The following TMEM230 variants were observed in gnomAD, a reference collection of about 807,000 sequenced individuals.
TMEM230 encodes the protein transmembrane protein 230.
A neutral mutation model predicts 15.8 loss-of-function variants in TMEM230; 10 were observed. That is an observed-to-expected ratio of 0.63 (90% CI 0.39 to 1.07). The LOEUF is 1.07. Among genes scored for constraint, TMEM230 ranks in the 50% least tolerant of loss-of-function variants. TMEM230 has a pLI of 0.01. For synonymous variants in TMEM230, 67 were observed against 76.9 expected, an observed-to-expected ratio of 0.87 and a Z score of 0.68; for missense variants, 165 against 193.3, an observed-to-expected ratio of 0.85 and a Z score of 0.87.
At chr20:5,067,401 GTT>G (rs2088676035), downstream of TMEM230, 1 of 123,968 alleles carries the variant, frequency 8.1e-6, no homozygotes. Context: ...TGTCAACAGT[GTT>G]TAGGCTCATA....
intron 2 of TMEM230, among the ~76,000 whole-genome samples, chr20:5,110,675 T>G (rs1037875697): frequency 6.6e-6 from 1 of 152,192 alleles, no homozygotes; most frequent in Non-Finnish European, 1.5e-5. Context: ...GATTTCATTT[T>G]CCTAATTACT....
chr20:5,088,308 CAAAA>C (rs777211538), intron 3 of TMEM230, among the ~76,000 whole-genome samples: 29 of 51,150 alleles, frequency 5.7e-4, no homozygotes, highest in African/African-American at 1.6e-3. Context: ...GACTCTGTCT[CAAAA>C]AAAAAAAAAA....
At chr20:5,110,826 A>C (rs1600422089) in intron 2 of TMEM230, among the ~76,000 whole-genome samples, 1 of 152,246 alleles carries the variant, frequency 6.6e-6, no homozygotes, top group East Asian at 1.9e-4. Flanking sequence ...CATGGCTATT[A>C]TGTCACTAGT....
rs541619792 is a variant in TMEM230, at chr20:5,082,348, C to T, written c.223-12999G>A. On this transcript the variant is annotated intron_variant, in intron 3 of 3. Transcript: ENST00000612323. ...CTCTGCCTCCCAGGCTCAGGTGATC[C>T]TCCTGCCTCAGCCTCCCAAGTAGCT... Among the ~76,000 whole-genome samples, 7 of 152,256 alleles carry T rather than the reference C, an allele frequency of 4.6e-5. No individual in the cohort carries two copies. In the South Asian group the frequency reaches 1.2e-3, roughly 27 times the overall value.
chr20:5,076,557 A>C (rs1328153258), intron 3 of TMEM230, among the ~76,000 whole-genome samples: 1 of 152,100 alleles, frequency 6.6e-6, no homozygotes, highest in Non-Finnish European at 1.5e-5. Flanking sequence ...AAATAAAATG[A>C]AATAAATAAA....
intron 3 of TMEM230, among the ~76,000 whole-genome samples, chr20:5,084,389 A>T (rs1308205878): frequency 6.6e-6 from 1 of 151,532 alleles, no homozygotes; most frequent in South Asian, 2.1e-4. Context: ...ACGCCTGGCT[A>T]ATTTTTGTAT....
intron 3 of TMEM230, among the ~76,000 whole-genome samples, chr20:5,108,727 T>C (rs770522561): frequency 2.0e-5 from 3 of 152,200 alleles, no homozygotes; most frequent in Non-Finnish European, 4.4e-5. Context: ...AACATTCTAT[T>C]GTAAGGGGAA....
At chr20:5,107,033 A>G (rs2090120876) in intron 3 of TMEM230, among the ~76,000 whole-genome samples, 1 of 152,080 alleles carries the variant, frequency 6.6e-6, no homozygotes, top group African/African-American at 2.4e-5. Context: ...CAGGGAGGAG[A>G]GCTCGCACCT....
chr20:5,091,163 T>A (rs1367148670), intron 3 of TMEM230, among the ~76,000 whole-genome samples: 2 of 152,216 alleles, frequency 1.3e-5, no homozygotes, highest in Non-Finnish European at 2.9e-5. Flanking sequence ...AGAGCCCAGC[T>A]AATTTTTTTA....
Position 5,111,604 on chromosome 20 carries a change from A to T in TMEM230, c.70T>A (p.Trp24Arg), listed in dbSNP as rs1362351778. 1 of 125,514 alleles carries T rather than the reference A, an allele frequency of 8.0e-6. No individual in the cohort carries two copies. Among genetic ancestry groups the T allele is most frequent in the Non-Finnish European group, 1.4e-5 (1 of 69,098 alleles). 7.8% of individuals were successfully genotyped at this position (125,514 alleles called of 1,614,324 possible). ...AGCCTGGGCGACAGAACTAGACTCC[A>T]TCTAAAAAAAAAAAAAAAAAAAAAA... is the stretch of plus-strand genomic sequence containing the variant. Residue 24 changes from tryptophan (W) to arginine (R), a missense_variant and splice_region_variant, in exon 2 of 5, where the codon TGG (tryptophan) becomes AGG (arginine). Coordinates refer to ENST00000342308, the MANE Select transcript of TMEM230 (RefSeq NM_001009923.2).
At chr20:5,065,750 C>T (rs2088646248), downstream of TMEM230, among the ~76,000 whole-genome samples, 2 of 152,180 alleles carry the variant, frequency 1.3e-5, no homozygotes, top group Admixed American at 6.5e-5. Flanking sequence ...ATATGAAGGA[C>T]AGGAAGTGAC....
chr20:5,069,047 C>T (rs1348583663), exon 4 of TMEM230: 3 of 748,610 alleles, frequency 4.0e-6, no homozygotes, highest in African/African-American at 3.6e-5. Flanking sequence ...ATGGAACATT[C>T]CCTCCACATA....
intron 3 of TMEM230, among the ~76,000 whole-genome samples, chr20:5,080,707 C>T (rs1174830047): frequency 2.6e-5 from 4 of 152,136 alleles, no homozygotes; most frequent in Admixed American, 6.6e-5. Flanking sequence ...GCTGGGTCTA[C>T]AGGCATGCGC....
In TMEM230 at chr20:5,092,897, C is replaced by T. The variant is rs183559164; in HGVS notation, c.222+13291G>A. Among the ~76,000 whole-genome samples, 292 of 152,228 alleles carry T rather than the reference C, an allele frequency of 1.9e-3. 6 individuals carry two copies. Among genetic ancestry groups the T allele is most frequent in the Admixed American group, 0.018 (278 of 15,280 alleles). On this transcript the variant is annotated intron_variant, in intron 3 of 3. Transcript: ENST00000612323. ...TGGAATTTACCTTGCATGACAAATT[C>T]GCAGTGAACATACTGAAAGCTCTTC... is the stretch of plus-strand genomic sequence containing the variant.
intron 3 of TMEM230, among the ~76,000 whole-genome samples, chr20:5,092,827 A>G (rs1446610907): frequency 6.6e-6 from 1 of 152,138 alleles, no homozygotes; most frequent in Non-Finnish European, 1.5e-5. Context: ...CATGGTAAAA[A>G]CTCTCAACAA....
the TMEM230 span, among the ~76,000 whole-genome samples, chr20:5,062,791 GC>G: frequency 3.9e-5 from 6 of 151,926 alleles, no homozygotes; most frequent in Non-Finnish European, 8.8e-5. Context: ...TAAATAATCA[GC>G]AGTCCCTAAA....
At chr20:5,103,611 A>G (rs2089954784) in intron 4 of TMEM230, among the ~76,000 whole-genome samples, 4 of 151,110 alleles carry the variant, frequency 2.6e-5, no homozygotes, top group African/African-American at 9.8e-5. Flanking sequence ...AGCCTGGATG[A>G]CACAGTGAGA....
exon 4 of TMEM230, chr20:5,069,119 G>T: frequency 2.4e-6 from 3 of 1,261,152 alleles, no homozygotes; most frequent in Non-Finnish European, 2.2e-6. Context: ...TCATGCTGAC[G>T]TACTTATTCC....
intron 2 of TMEM230, among the ~76,000 whole-genome samples, chr20:5,109,753 C>T (rs1389620828): frequency 6.6e-6 from 1 of 152,146 alleles, no homozygotes; most frequent in Non-Finnish European, 1.5e-5. Context: ...ATTTTGCCAC[C>T]AAGATTCCCT....
Sources: gnomAD v4.1 joint callset for allele counts (sites outside exome capture counted in the v4.1 genomes callset) on GRCh38, gnomAD v4.1.1 for gene constraint, MANE v1.5 for transcripts, NCBI Gene and HGNC (gene_info 2026-07-23, HGNC 2026-07-21) for gene names.